The following SYTL2 variants were observed in gnomAD, a reference collection of about 807,000 sequenced individuals.
The protein encoded by SYTL2 is synaptotagmin-like protein 2.
A neutral mutation model predicts 198.7 loss-of-function variants in SYTL2; 165 were observed. The observed-to-expected ratio is 0.83, with a 90% CI of 0.73 to 0.94. The LOEUF is 0.94. Ranked by LOEUF, SYTL2 falls within the 40% of genes least tolerant of loss-of-function variation. The pLI is 0.00. For missense variants in SYTL2, 2,835 were observed against 2,582.8 expected, an observed-to-expected ratio of 1.10 and a Z score of -2.12; for synonymous variants, 966 against 917.7, an observed-to-expected ratio of 1.05 and a Z score of -0.95.
chr11:85,695,082 T>C lies in SYTL2; in HGVS notation c.*113A>G. On this transcript the variant is annotated 3_prime_UTR_variant, in exon 20 of 20. Transcript: ENST00000359152. ...ATTGACTTTTACATGCTGTGTAGTATTCCTTAGGTGCAATAGATAGAAAGT... is the reference window on the plus strand; with the variant it reads ...ATTGACTTTTACATGCTGTGTAGTACTCCTTAGGTGCAATAGATAGAAAGT... 8.9e-7 allele frequency: 1 copy of C among 1,123,040 alleles called. No individual in the cohort carries two copies. Among genetic ancestry groups the C allele is most frequent in the Non-Finnish European group, 1.3e-6 (1 of 783,688 alleles). The allele number at this position is 1,123,040 out of a possible 1,614,324, so 69.6% of individuals were successfully genotyped here. A position where few individuals can be genotyped will look rare whatever the true frequency, so the allele number is the denominator to read the frequency against.
intron 1 of SYTL2, among the ~76,000 whole-genome samples, chr11:85,803,443 A>G (rs2092918222): frequency 6.6e-6 from 1 of 152,190 alleles, no homozygotes. Context: ...GTGCTGCTTC[A>G]TAACTGCAGG....
chr11:85,820,552 C>G, the SYTL2 span, among the ~76,000 whole-genome samples: 1 of 152,196 alleles, frequency 6.6e-6, no homozygotes, highest in African/African-American at 2.4e-5. Context: ...CATTCTAACT[C>G]TGGGGGTGAG....
upstream of SYTL2, chr11:85,811,279 C>A (rs2093029945): frequency 6.6e-6 from 1 of 151,976 alleles, no homozygotes; most frequent in African/African-American, 2.4e-5. Flanking sequence ...GCCTCCTCGC[C>A]CGGCACACAG....
At chr11:85,750,568 G>T (rs2091451464) in intron 2 of SYTL2, among the ~76,000 whole-genome samples, 1 of 152,146 alleles carries the variant, frequency 6.6e-6, no homozygotes, top group Non-Finnish European at 1.5e-5. Flanking sequence ...CTAACCTGTG[G>T]TCTTTGCAAA....
In SYTL2 at chr11:85,721,234, A is replaced by T. The variant is rs371742263; in HGVS notation, c.5327-275T>A. Among the ~76,000 whole-genome samples, 108 of 152,322 alleles carry T rather than the reference A, an allele frequency of 7.1e-4. 1 individual carries two copies. In the East Asian group the frequency reaches 0.015, roughly 21 times the overall value. On this transcript the variant is annotated intron_variant, in intron 8 of 19. Coordinates refer to ENST00000359152, the MANE Select transcript of SYTL2 (RefSeq NM_206927.4). ...TGTGATCTCTTAGTTGTTTACTCCT[A>T]TTTTAGACATATGATTTGTCCTATG...
intron 14 of SYTL2, among the ~76,000 whole-genome samples, chr11:85,708,687 T>A (rs925750764): frequency 3.9e-5 from 6 of 152,052 alleles, no homozygotes; most frequent in African/African-American, 1.4e-4. Flanking sequence ...TGGGTTCAGG[T>A]CCTCATTCCT....
chr11:85,729,742 G>C (rs1269613672), intron 7 of SYTL2, among the ~76,000 whole-genome samples: 1 of 152,112 alleles, frequency 6.6e-6, no homozygotes, highest in African/African-American at 2.4e-5. Flanking sequence ...ACTAAAATCA[G>C]AGCAGAACTG....
chr11:85,725,284 T>G lies in SYTL2; in HGVS notation c.4074A>C (p.Lys1358Asn). Residue 1358 changes from lysine to asparagine, a missense_variant, in exon 8 of 20, where the codon AAA (lysine) becomes AAC (asparagine). Transcript: ENST00000359152. ...SQTEISETVEKVILPPRPVLN... is the reference protein window; with the variant it reads ...SQTEISETVENVILPPRPVLN... ...ATACAGGTCTGGGTGGAAGAATGAC[T>G]TTCTCTACAGTCTCCGAAATTTCCG... 1 of 1,614,200 alleles carries G rather than the reference T, an allele frequency of 6.2e-7. No homozygotes were observed. The highest frequency in any genetic ancestry group is 8.5e-7 in the Non-Finnish European group (1 of 1,180,028).
chr11:85,780,918 T>A (rs1216242483), intron 1 of SYTL2, among the ~76,000 whole-genome samples: 1 of 152,210 alleles, frequency 6.6e-6, no homozygotes, highest in Non-Finnish European at 1.5e-5. Flanking sequence ...TTAGGCAATG[T>A]CAGAATTGAA....
intron 5 of SYTL2, among the ~76,000 whole-genome samples, chr11:85,737,144 A>C (rs2090411554): frequency 6.6e-6 from 1 of 152,220 alleles, no homozygotes; most frequent in Non-Finnish European, 1.5e-5. Flanking sequence ...AGGTTTTAAA[A>C]ATTAATATAG....
chr11:85,735,073 T>C lies in SYTL2; in HGVS notation c.587-331A>G, dbSNP rs566760199. On this transcript the variant is annotated intron_variant, in intron 6 of 19. Coordinates refer to ENST00000359152, the MANE Select transcript of SYTL2 (RefSeq NM_206927.4). ...GGGTGATAGTGATGTCTCAATGTGG[T>C]TCATCACGTGTAACAAATGTACCAT... Among the ~76,000 whole-genome samples, 5 of 152,328 alleles carry C rather than the reference T, an allele frequency of 3.3e-5. No homozygotes were observed. The East Asian group carries it at 5.8e-4, about 18-fold the overall frequency.
intron 1 of SYTL2, among the ~76,000 whole-genome samples, chr11:85,803,665 T>C (rs2092921511): frequency 6.6e-6 from 1 of 152,234 alleles, no homozygotes; most frequent in African/African-American, 2.4e-5. Context: ...GAATATAACA[T>C]CTTTCCTTTA....
the SYTL2 span, among the ~76,000 whole-genome samples, chr11:85,845,584 G>A: frequency 6.6e-6 from 1 of 151,886 alleles, no homozygotes; most frequent in Admixed American, 6.6e-5. Context: ...GCAACACAGA[G>A]AGACCTGGTC....
chr11:85,726,128 T>A lies in SYTL2; in HGVS notation c.3230A>T (p.Tyr1077Phe), dbSNP rs772796058. The A allele has an allele frequency of 3.1e-6, 5 of 1,614,134 alleles. No individual in the cohort carries two copies. The highest frequency in any genetic ancestry group is 4.2e-6 in the Non-Finnish European group (5 of 1,179,996). Reference protein sequence around the residue: ...ITFPLSPLRKYTYQLPGNESS... With the variant: ...ITFPLSPLRKFTYQLPGNESS... ...CTCATTTCCTGGCAACTGATAAGTA[T>A]ACTTTCTAAGTGGACTCAAAGGAAA... Residue 1077 changes from tyrosine to phenylalanine, a missense_variant, in exon 8 of 20, where the codon TAT becomes TTT. Tyr to Phe is a conservative substitution (Grantham distance 22, BLOSUM62 3). Transcript: ENST00000359152.
chr11:85,697,981 T>C lies in SYTL2; in HGVS notation c.6366A>G (p.Lys2122=). 1 of 1,607,002 alleles carries C rather than the reference T, an allele frequency of 6.2e-7. No individual in the cohort carries two copies. ...GACAGAGTCATCAATACTATTACCA[T>C]TTAACAAAAGAATTTAGATGACTTC... ...LRGSHLNSFV[K]CTILPDTSRK... The change falls in exon 18 of 20, where the codon AAA becomes AAG. Residue 2122 remains lysine (K), a splice_region_variant and synonymous_variant. Coordinates refer to ENST00000359152, the MANE Select transcript of SYTL2 (RefSeq NM_206927.4).
At chr11:85,742,143 A>G (rs977001780) in intron 4 of SYTL2, among the ~76,000 whole-genome samples, 3 of 152,136 alleles carry the variant, frequency 2.0e-5, no homozygotes, top group Non-Finnish European at 2.9e-5. Flanking sequence ...AAGCCTCCTT[A>G]CAAGCCAAGG....
At chr11:85,815,799 T>G (rs903661942), upstream of SYTL2, among the ~76,000 whole-genome samples, 3 of 152,242 alleles carry the variant, frequency 2.0e-5, no homozygotes, top group East Asian at 5.8e-4. Context: ...ATCATCTTTA[T>G]GAGCAACAAT....
chr11:85,778,382 T>C (rs2092496550), intron 1 of SYTL2, among the ~76,000 whole-genome samples: 1 of 152,238 alleles, frequency 6.6e-6, no homozygotes, highest in African/African-American at 2.4e-5. Context: ...GAGTTTGGAC[T>C]CGAAGCTGAA....
At chr11:85,827,276 C>T in the SYTL2 span, among the ~76,000 whole-genome samples, 6 of 152,156 alleles carry the variant, frequency 3.9e-5, no homozygotes, top group Non-Finnish European at 8.8e-5. Context: ...CCTAGGTGGA[C>T]CCCACTGGAT....
Sources: gnomAD v4.1 joint callset for allele counts (sites outside exome capture counted in the v4.1 genomes callset) on GRCh38, gnomAD v4.1.1 for gene constraint, MANE v1.5 for transcripts, NCBI Gene and HGNC (gene_info 2026-07-23, HGNC 2026-07-21) for gene names.